TSPEAR: variants seen among roughly 807,000 people sequenced by gnomAD.
TSPEAR encodes the protein thrombospondin-type laminin G domain and EAR repeat-containing protein.
TSPEAR carries 69 observed loss-of-function variants against 71.6 expected under a neutral mutation model. The ratio of observed to expected loss-of-function variants is 0.96; its 90% CI spans 0.79 to 1.18. The LOEUF (loss-of-function observed/expected upper bound fraction) is 1.18. TSPEAR is among the 50% of genes most tolerant of loss of function. The pLI is 0.00. For missense variants in TSPEAR, 971 were observed against 894.9 expected (o/e 1.09, Z -1.09); for synonymous variants, 402 against 387.2 (o/e 1.04, Z -0.45).
At chr21:44,600,753 C>A (rs782233404) in intron 1 of TSPEAR, 2 of 1,608,780 alleles carry the variant, frequency 1.2e-6, no homozygotes, top group African/African-American at 1.4e-5. Flanking sequence ...GCTGCGAGCC[C>A]CCCTGCTGCG....
chr21:44,550,552 C>T (rs1252693912), intron 2 of TSPEAR: 1 of 1,320,648 alleles, frequency 7.6e-7, no homozygotes, highest in African/African-American at 1.5e-5. Context: ...CAGTGAGCAT[C>T]TGAGACCCCG....
chr21:44,525,916 C>T, intron 7 of TSPEAR, 77 bp from the exon 8 acceptor site: 2 of 1,408,450 alleles, frequency 1.4e-6, no homozygotes, highest in South Asian at 1.2e-5. Context: ...GGCTTCTGAA[C>T]ATCAGCATCT....
At chr21:44,696,809 C>CT (rs1171124641) in intron 1 of TSPEAR, among the ~76,000 whole-genome samples, 1 of 152,202 alleles carries the variant, frequency 6.6e-6, no homozygotes, top group Admixed American at 6.5e-5. Flanking sequence ...CCCTCCACGG[C>CT]CCCACGGTCC....
chr21:44,500,400 G>A (rs1051176591), intron 11 of TSPEAR, among the ~76,000 whole-genome samples: 11 of 152,370 alleles, frequency 7.2e-5, no homozygotes, highest in Admixed American at 5.2e-4. Context: ...CCTCATTCTT[G>A]CTCTGGGCGG....
In TSPEAR at chr21:44,546,536, G is replaced by GC. The variant is rs1478355419; in HGVS notation, c.304-12614dup. Among the ~76,000 whole-genome samples the GC allele has an allele frequency of 1.3e-5, 2 of 152,180 alleles. No homozygotes were observed. Among genetic ancestry groups the GC allele is most frequent in the Admixed American group, 6.5e-5 (1 of 15,280 alleles). On this transcript the variant is annotated intron_variant, in intron 2 of 11. Coordinates refer to ENST00000323084, the MANE Select transcript of TSPEAR (RefSeq NM_144991.3). The surrounding 1 kb of genome is among the most constrained non-coding windows in gnomAD (Gnocchi z 4.4). ...TTTTGATTGGAGTTTCACCATGTTAGCCAGGATGGTCTCAATCTCCTGACC... is the reference window on the plus strand; with the variant it reads ...TTTTGATTGGAGTTTCACCATGTTAGCCCAGGATGGTCTCAATCTCCTGACC...
rs369738689 is a variant in TSPEAR at position 44,528,580 on chromosome 21, G to A, written c.794C>T (p.Thr265Ile). ...DNEVLKYPYE[T>I]NIRVTLGPQP... ...GGGTCCCAGCGTCACTCGAATGTTGGTTTCTGAGGGGAAGACCAGGAAGAT... is the reference window on the plus strand; with the variant it reads ...GGGTCCCAGCGTCACTCGAATGTTGATTTCTGAGGGGAAGACCAGGAAGAT... Residue 265 changes from threonine to isoleucine, a missense_variant, in exon 6 of 12, where the codon ACC becomes ATC. By Grantham distance (89) the Thr-to-Ile change is moderately conservative (BLOSUM62 -1). Transcript: ENST00000323084. 59 of 1,613,578 alleles carry A rather than the reference G, an allele frequency of 3.7e-5. No individual in the cohort carries two copies. Among genetic ancestry groups the A allele is most frequent in the Non-Finnish European group, 4.7e-5 (56 of 1,179,832 alleles).
intron 1 of TSPEAR, chr21:44,628,136 G>C (rs59484649): frequency 0.46 from 679,944 of 1,486,688 alleles, 156,463 homozygotes; most frequent in Middle Eastern, 0.58. Context: ...CCTCAGCACA[G>C]CTCAACACAG....
chr21:44,627,040 C>G, intron 1 of TSPEAR: 1 of 1,405,738 alleles, frequency 7.1e-7, no homozygotes, highest in Non-Finnish European at 9.7e-7. Context: ...GCTGTGGGCC[C>G]TGGAACAACA....
In TSPEAR at chr21:44,531,103, C is replaced by CA; in HGVS notation, c.572dup (p.Ser192ValfsTer65). On this transcript the variant is annotated frameshift_variant, in exon 4 of 12. Transcript: ENST00000323084. LOFTEE classifies it high-confidence loss of function. The stretch of plus-strand genomic sequence containing the variant: ...CGAAGAATCGAGCTCCTTTCACTGA[C>CA]AGGGTGGCTGGGAAGGGCACATCGG... 6.2e-7 allele frequency: 1 copy of CA among 1,613,794 alleles called. No homozygotes were observed.
chr21:44,671,586 G>A (rs1185526446), intron 1 of TSPEAR, among the ~76,000 whole-genome samples: 6 of 152,188 alleles, frequency 3.9e-5, no homozygotes, highest in Non-Finnish European at 7.3e-5. Context: ...ACAAACACTA[G>A]TGATGCTGTT....
Position 44,539,880 on chromosome 21 carries a change from T to C in TSPEAR, c.304-5957A>G, listed in dbSNP as rs782124753. 4.4e-5 allele frequency: 70 copies of C among 1,574,084 alleles called. No individual in the cohort carries two copies. The highest frequency in any genetic ancestry group is 9.6e-5 in the African/African-American group (7 of 72,770). ...CAGGCCTGCTGGCAGGGGGAGGAGGTGCAGCAAGCCGGCTGGCAGCTAGAC... is the reference window on the plus strand; with the variant it reads ...CAGGCCTGCTGGCAGGGGGAGGAGGCGCAGCAAGCCGGCTGGCAGCTAGAC... On this transcript the variant is annotated intron_variant, in intron 2 of 11. Transcript: ENST00000323084.
intron 1 of TSPEAR, among the ~76,000 whole-genome samples, chr21:44,570,053 T>G (rs908348953): frequency 7.2e-5 from 11 of 152,134 alleles, no homozygotes; most frequent in Admixed American, 4.6e-4. Context: ...CACTGCCTGG[T>G]GCTGGGCTCA....
At chr21:44,524,476 C>A (rs977910853) in intron 8 of TSPEAR, among the ~76,000 whole-genome samples, 2 of 151,490 alleles carry the variant, frequency 1.3e-5, no homozygotes, top group African/African-American at 2.4e-5. Context: ...GTTAGGTAGT[C>A]AGTCAGTCAG....
rs550625720 is a variant in TSPEAR at position 44,697,122 on chromosome 21, T to G, written c.82+14311A>C. On this transcript the variant is annotated intron_variant, in intron 1 of 11. Transcript: ENST00000323084. ...AGCACCCAGACACTCACTCACTCCC[T>G]CCTTCCCATCCAGCACCCAGACACT... 1.2e-3 allele frequency: 1,924 copies of G among 1,569,948 alleles called. 2 individuals are homozygous for G. Among genetic ancestry groups the G allele is most frequent in the Non-Finnish European group, 1.2e-3 (1,436 of 1,158,684 alleles).
At chr21:44,649,413 A>G (rs1984640223) in intron 1 of TSPEAR, among the ~76,000 whole-genome samples, 1 of 152,152 alleles carries the variant, frequency 6.6e-6, no homozygotes, top group Non-Finnish European at 1.5e-5. Flanking sequence ...GGAGGGGTAC[A>G]CTGGCTGGTG....
Position 44,568,036 on chromosome 21 carries a change from C to T in TSPEAR, c.83-31G>A, listed in dbSNP as rs587687678. The stretch of plus-strand genomic sequence containing the variant: ...GCAAAGAAATCACAGGTGGGTTAGG[C>T]CAGGACACCCCCAAAAGTGGATACC... On this transcript the variant is annotated intron_variant, in intron 1 of 11. Coordinates refer to ENST00000323084, the MANE Select transcript of TSPEAR (RefSeq NM_144991.3). The T allele has an allele frequency of 6.1e-6, 9 of 1,476,558 alleles. No homozygotes were observed. In the Admixed American group the frequency reaches 1.9e-4, roughly 30 times the overall value. 91.5% of individuals were successfully genotyped at this position (1,476,558 alleles called of 1,614,324 possible).
At position 44,521,876 on chromosome 21, in the gene TSPEAR, G is replaced by T; in HGVS notation, c.1566+7C>A. ...TGGAGAGCCGGGGCTCATGCGGGGG[G>T]CCTTACCGGGAAGGACTGGAAGAGC... On this transcript the variant is annotated splice_region_variant and intron_variant, in intron 9 of 11. Transcript: ENST00000323084. 2.5e-6 allele frequency: 4 copies of T among 1,612,110 alleles called. No individual in the cohort carries two copies. Among genetic ancestry groups the T allele is most frequent in the Non-Finnish European group, 3.4e-6 (4 of 1,178,786 alleles).
intron 1 of TSPEAR, among the ~76,000 whole-genome samples, chr21:44,672,562 T>C (rs913301594): frequency 7.9e-6 from 1 of 125,962 alleles, no homozygotes; most frequent in Non-Finnish European, 1.7e-5. Flanking sequence ...AGAGCAAAAC[T>C]CCGTCTCAAA....
In TSPEAR at chr21:44,709,514, C is replaced by T. The variant is rs1427742199; in HGVS notation, c.82+1919G>A. 2.6e-5 allele frequency among the ~76,000 whole-genome samples: 4 copies of T among 152,364 alleles called. No individual in the cohort carries two copies. In the East Asian group the frequency reaches 7.7e-4, roughly 29 times the overall value. On this transcript the variant is annotated intron_variant, in intron 1 of 11. Transcript: ENST00000323084. ...GGGGAATGAGCGCCGAAAATCAAAG[C>T]AGGTTCCCCTCCTGACAACTCCAGA...
Sources: gnomAD v4.1 joint callset for allele counts (sites outside exome capture counted in the v4.1 genomes callset) on GRCh38, gnomAD v4.1.1 for gene constraint, Gnocchi (gnomAD v3.1) non-coding constraint, MANE v1.5 for transcripts, NCBI Gene and HGNC (gene_info 2026-07-23, HGNC 2026-07-21) for gene names.